Variants in MICU1 observed in about 807,000 individuals in gnomAD.
MICU1 encodes calcium uptake protein 1, mitochondrial.
In MICU1, 45 loss-of-function variants were observed where a neutral mutation model predicts 56.8. The ratio of observed to expected loss-of-function variants is 0.79; its 90% CI spans 0.62 to 1.02. The LOEUF (loss-of-function observed/expected upper bound fraction) is 1.02. Ranked by LOEUF, MICU1 falls within the 50% of genes least tolerant of loss-of-function variation. The pLI is 0.00. For missense variants in MICU1, 504 were observed against 587.1 expected, an observed-to-expected ratio of 0.86 and a Z score of 1.46; for synonymous variants, 186 against 195.1, an observed-to-expected ratio of 0.95 and a Z score of 0.39.
At chr10:72,606,926 C>T (rs183197316) in intron 1 of MICU1, among the ~76,000 whole-genome samples, 732 of 152,298 alleles carry the variant, frequency 4.8e-3, no homozygotes, top group Non-Finnish European at 8.3e-3. Flanking sequence ...AAGGACCATT[C>T]CAACAGCTTC....
At chr10:72,443,271 C>A (rs1564871991) in intron 8 of MICU1, among the ~76,000 whole-genome samples, 1 of 152,096 alleles carries the variant, frequency 6.6e-6, no homozygotes. Flanking sequence ...TGGATATTAG[C>A]CCTTTGTCAG....
chr10:72,416,784 A>G (rs1564854959), intron 9 of MICU1, among the ~76,000 whole-genome samples: 1 of 152,150 alleles, frequency 6.6e-6, no homozygotes, highest in Admixed American at 6.6e-5. Flanking sequence ...GCTGGCTCTA[A>G]TCTTCCTCCT....
chr10:72,393,068 T>A (rs2132070909), intron 10 of MICU1, among the ~76,000 whole-genome samples: 1 of 152,360 alleles, frequency 6.6e-6, no homozygotes, highest in Middle Eastern at 3.4e-3. Context: ...ATGAGTTTGT[T>A]CCCTGGGCTG....
At chr10:72,567,356 A>G (rs1164041508) in intron 1 of MICU1, among the ~76,000 whole-genome samples, 5 of 152,164 alleles carry the variant, frequency 3.3e-5, no homozygotes, top group Admixed American at 6.6e-5. Flanking sequence ...ATAAAAAATT[A>G]TTAGTTACAA....
chr10:72,387,790 G>A (rs1450728298), intron 10 of MICU1, among the ~76,000 whole-genome samples: 4 of 144,406 alleles, frequency 2.8e-5, no homozygotes, highest in African/African-American at 7.6e-5. Flanking sequence ...TTTTAAGGAT[G>A]ATTTAAAAAA....
At chr10:72,482,063 C>A (rs921441001) in intron 6 of MICU1, among the ~76,000 whole-genome samples, 10 of 152,148 alleles carry the variant, frequency 6.6e-5, no homozygotes, top group Admixed American at 6.5e-5. Flanking sequence ...AGAGAAAAAA[C>A]CATCTTTTTC....
intron 5 of MICU1, among the ~76,000 whole-genome samples, chr10:72,510,135 A>T (rs1177933956): frequency 6.6e-6 from 1 of 152,202 alleles, no homozygotes; most frequent in Non-Finnish European, 1.5e-5. Context: ...GTCTAAGGAT[A>T]GAGTGAAATG....
At chr10:72,479,031 C>T (rs1866206467) in intron 6 of MICU1, among the ~76,000 whole-genome samples, 1 of 152,210 alleles carries the variant, frequency 6.6e-6, no homozygotes, top group African/African-American at 2.4e-5. Context: ...TTACATTTTA[C>T]TGAGGAGTTA....
At chr10:72,438,712 G>C (rs1016243455) in intron 8 of MICU1, among the ~76,000 whole-genome samples, 9 of 152,062 alleles carry the variant, frequency 5.9e-5, no homozygotes, top group African/African-American at 1.7e-4. Context: ...AAATGATAAA[G>C]GGGAGATCAC....
chr10:72,573,633 G>A (rs192961618), intron 1 of MICU1, among the ~76,000 whole-genome samples: 1 of 152,040 alleles, frequency 6.6e-6, no homozygotes, highest in Non-Finnish European at 1.5e-5. Flanking sequence ...ATTAAACTTT[G>A]TAAAATATAT....
intron 10 of MICU1, among the ~76,000 whole-genome samples, chr10:72,398,569 G>T (rs1460686938): frequency 6.6e-6 from 1 of 151,884 alleles, no homozygotes; most frequent in East Asian, 1.9e-4. Context: ...GAAGAAAAGA[G>T]AGAAGAATCA....
At chr10:72,388,110 C>A (rs1862952535) in intron 10 of MICU1, among the ~76,000 whole-genome samples, 1 of 152,114 alleles carries the variant, frequency 6.6e-6, no homozygotes, top group East Asian at 1.9e-4. Context: ...GAACTTAAAA[C>A]CAAAATTTAT....
intron 8 of MICU1, among the ~76,000 whole-genome samples, chr10:72,458,879 A>ATT (rs538552469): frequency 2.4e-5 from 3 of 126,324 alleles, no homozygotes; most frequent in South Asian, 2.5e-4. Context: ...CCCAGCTACC[A>ATT]TTTTTTTTTT....
At chr10:72,502,158 G>GTTTTTTTTTTTTTT (rs1256587038) in intron 6 of MICU1, among the ~76,000 whole-genome samples, 4 of 131,838 alleles carry the variant, frequency 3.0e-5, no homozygotes, top group African/African-American at 6.8e-5. Flanking sequence ...TTTTTTTTTT[G>GTTTTTTTTTTTTTT]TTTTTTTTTT....
chr10:72,462,996 A>G (rs375954882), intron 8 of MICU1, among the ~76,000 whole-genome samples: 12 of 152,338 alleles, frequency 7.9e-5, no homozygotes, highest in African/African-American at 2.9e-4. Context: ...CATCACTAAC[A>G]TATCATTGAC....
At chr10:72,459,782 A>G (rs558836646) in intron 8 of MICU1, among the ~76,000 whole-genome samples, 12 of 152,320 alleles carry the variant, frequency 7.9e-5, no homozygotes, top group African/African-American at 2.6e-4. Flanking sequence ...CCTGTAGAGA[A>G]AGCTATTGAG....
intron 8 of MICU1, among the ~76,000 whole-genome samples, chr10:72,470,219 G>A (rs1396771448): frequency 6.6e-6 from 1 of 152,168 alleles, no homozygotes; most frequent in African/African-American, 2.4e-5. Flanking sequence ...GGCCTCATTA[G>A]CACTAAAGCC....
chr10:72,586,025 T>TC, intron 1 of MICU1, among the ~76,000 whole-genome samples: 1 of 136,092 alleles, frequency 7.3e-6, no homozygotes, highest in Non-Finnish European at 1.6e-5. Context: ...TTTTTTTTTT[T>TC]TTTTTTTGAG....
intron 4 of MICU1, among the ~76,000 whole-genome samples, chr10:72,549,279 C>G (rs1462346510): frequency 6.6e-6 from 1 of 151,072 alleles, no homozygotes; most frequent in African/African-American, 2.4e-5. Context: ...TAACATCCAC[C>G]TCCCAGGCTC....
Sources: gnomAD v4.1 joint callset for allele counts (sites outside exome capture counted in the v4.1 genomes callset) on GRCh38, gnomAD v4.1.1 for gene constraint, MANE v1.5 for transcripts, NCBI Gene and HGNC (gene_info 2026-07-23, HGNC 2026-07-21) for gene names.